ZMAT4: variants seen among roughly 807,000 people sequenced by gnomAD.
ZMAT4 encodes zinc finger matrin-type 4.
In ZMAT4, 17 loss-of-function variants were observed where a neutral mutation model predicts 28.7. That is an observed-to-expected ratio of 0.59 (90% CI 0.41 to 0.89). ZMAT4 has a LOEUF of 0.89. Among genes scored for constraint, ZMAT4 ranks in the 40% least tolerant of loss-of-function variants. The pLI, the probability that ZMAT4 is intolerant of heterozygous loss-of-function variation, is 0.00. For synonymous variants in ZMAT4, 117 were observed against 109.2 expected, an observed-to-expected ratio of 1.07 and a Z score of -0.44; for missense variants, 240 against 283.8, an observed-to-expected ratio of 0.85 and a Z score of 1.11.
intron 3 of ZMAT4, among the ~76,000 whole-genome samples, chr8:40,758,729 A>C (rs1812797983): frequency 6.6e-6 from 1 of 152,074 alleles, no homozygotes; most frequent in Admixed American, 6.5e-5. Context: ...AATAAATAGG[A>C]TTTTGACCCT....
intron 2 of ZMAT4, among the ~76,000 whole-genome samples, chr8:40,810,078 ACACACACATGCACAAACATG>A (rs1325766272): frequency 1.3e-5 from 2 of 152,114 alleles, no homozygotes; most frequent in African/African-American, 4.8e-5. Context: ...ATATATATAT[ACACACACATGCACAAACATG>A]CACACACATA....
chr8:40,688,884 T>C (rs1483395009), intron 4 of ZMAT4, among the ~76,000 whole-genome samples: 1 of 152,192 alleles, frequency 6.6e-6, no homozygotes, highest in Non-Finnish European at 1.5e-5. Context: ...AGTCTGGTTT[T>C]CCCCACCTCT....
chr8:40,532,042 G>T lies in ZMAT4; in HGVS notation c.*181C>A. ...TAACTTACCCCAAAATTAAAAAAAG[G>T]AAAAAGAAAAAAGAAACCTCATTCA... On this transcript the variant is annotated 3_prime_UTR_variant, in exon 7 of 7. Coordinates refer to ENST00000297737, the MANE Select transcript of ZMAT4 (RefSeq NM_024645.3). 2 of 468,310 alleles carry T rather than the reference G, an allele frequency of 4.3e-6. No homozygotes were observed. The highest frequency in any genetic ancestry group is 3.5e-6 in the Non-Finnish European group (1 of 285,192). 29.0% of individuals were successfully genotyped at this position (468,310 alleles called of 1,614,324 possible). A position where few individuals can be genotyped will look rare whatever the true frequency, so the allele number is the denominator to read the frequency against.
intron 5 of ZMAT4, among the ~76,000 whole-genome samples, chr8:40,582,719 C>A (rs763893706): frequency 6.6e-6 from 1 of 152,098 alleles, no homozygotes; most frequent in Non-Finnish European, 1.5e-5. Context: ...ATTATTTGAC[C>A]CTTCTGGACT....
At chr8:40,664,024 A>G (rs971479520) in intron 5 of ZMAT4, among the ~76,000 whole-genome samples, 3 of 152,236 alleles carry the variant, frequency 2.0e-5, no homozygotes, top group African/African-American at 7.2e-5. Flanking sequence ...ACTGTACCAC[A>G]GACAGTGGAG....
Position 40,762,835 on chromosome 8 carries a change from G to A in ZMAT4, c.192+4806C>T, listed in dbSNP as rs528374843. On this transcript the variant is annotated intron_variant, in intron 3 of 6. Transcript: ENST00000297737. ...ACACTTATAGCCACCAGAACTGCCAGAGAATAAATGCTCTTTGTTGAAGCC... is the reference window on the plus strand; with the variant it reads ...ACACTTATAGCCACCAGAACTGCCAAAGAATAAATGCTCTTTGTTGAAGCC... 1.3e-4 allele frequency among the ~76,000 whole-genome samples: 20 copies of A among 152,250 alleles called. No individual in the cohort carries two copies. In the South Asian group the frequency reaches 3.9e-3, roughly 30 times the overall value.
chr8:40,581,092 A>G (rs1804448905), intron 6 of ZMAT4, 73 bp downstream of exon 6: 2 of 1,211,806 alleles, frequency 1.7e-6, no homozygotes, highest in African/African-American at 1.5e-5. Context: ...AATAGATGAA[A>G]TGTTGAGCCT....
Position 40,718,276 on chromosome 8 carries a change from G to A in ZMAT4, c.193-20875C>T, listed in dbSNP as rs566015032. On this transcript the variant is annotated intron_variant, in intron 3 of 6. Transcript: ENST00000297737. Reference sequence around the variant, plus strand: ...CCAGTCTGCGTCAGCAGTGTCACCAGCCTGCCATGGAGGTTAGGCTAGCTC... The same window carrying A: ...CCAGTCTGCGTCAGCAGTGTCACCAACCTGCCATGGAGGTTAGGCTAGCTC... Among the ~76,000 whole-genome samples, 19 of 152,336 alleles carry A rather than the reference G, an allele frequency of 1.2e-4. No homozygotes were observed. The South Asian group carries it at 3.7e-3, about 30-fold the overall frequency.
chr8:40,657,904 A>G (rs1374187269), intron 5 of ZMAT4, among the ~76,000 whole-genome samples: 1 of 152,154 alleles, frequency 6.6e-6, no homozygotes, highest in Non-Finnish European at 1.5e-5. Context: ...TAAACATGCA[A>G]ATGTGTTTCT....
intron 6 of ZMAT4, among the ~76,000 whole-genome samples, chr8:40,537,352 A>G (rs1802879426): frequency 6.6e-6 from 1 of 152,226 alleles, no homozygotes; most frequent in Non-Finnish European, 1.5e-5. Context: ...GTTTTAACCC[A>G]TGGAATAAAG....
chr8:40,749,378 T>A (rs1300497948), intron 3 of ZMAT4, among the ~76,000 whole-genome samples: 2 of 152,160 alleles, frequency 1.3e-5, no homozygotes, highest in Admixed American at 6.5e-5. Flanking sequence ...CTAAACCTAA[T>A]AAAAATTAAG....
chr8:40,713,920 C>CAAAAAAAAAAA (rs1810732938), intron 3 of ZMAT4, among the ~76,000 whole-genome samples: 1 of 55,282 alleles, frequency 1.8e-5, no homozygotes, highest in Non-Finnish European at 3.9e-5. Context: ...AAAAACAAAA[C>CAAAAAAAAAAA]CAAAAAAAAA....
chr8:40,640,735 G>A (rs193149186), intron 5 of ZMAT4, among the ~76,000 whole-genome samples: 34 of 152,084 alleles, frequency 2.2e-4, no homozygotes, highest in Admixed American at 1.2e-3. Flanking sequence ...TCGAGGTGGT[G>A]GATCACCTGA....
At chr8:40,860,788 C>T (rs1295584790) in intron 1 of ZMAT4, among the ~76,000 whole-genome samples, 3 of 152,190 alleles carry the variant, frequency 2.0e-5, no homozygotes, top group Admixed American at 6.5e-5. Flanking sequence ...TCTGCCTGGT[C>T]GTCCTGGAGT....
At chr8:40,753,058 C>A (rs1399835840) in intron 3 of ZMAT4, among the ~76,000 whole-genome samples, 2 of 16,796 alleles carry the variant, frequency 1.2e-4, no homozygotes, top group African/African-American at 2.3e-4. Context: ...CCCCACCCCC[C>A]AACAGGCCCC....
chr8:40,558,267 A>C (rs1277861098), intron 6 of ZMAT4, among the ~76,000 whole-genome samples: 1 of 152,100 alleles, frequency 6.6e-6, no homozygotes, highest in Non-Finnish European at 1.5e-5. Flanking sequence ...CTGTCAGTGG[A>C]TTGCCAGCGG....
intron 6 of ZMAT4, among the ~76,000 whole-genome samples, chr8:40,553,075 T>A (rs916757970): frequency 2.6e-5 from 4 of 152,130 alleles, no homozygotes; most frequent in African/African-American, 9.7e-5. Context: ...GGAGATATGG[T>A]CATAAAATGA....
intron 6 of ZMAT4, among the ~76,000 whole-genome samples, chr8:40,541,905 C>A (rs1203996781): frequency 6.6e-6 from 1 of 152,166 alleles, no homozygotes; most frequent in Non-Finnish European, 1.5e-5. Context: ...AATCTAGAGT[C>A]CCACAGTGCC....
intron 2 of ZMAT4, among the ~76,000 whole-genome samples, chr8:40,803,887 T>A (rs528385167): frequency 6.6e-5 from 10 of 152,296 alleles, no homozygotes; most frequent in African/African-American, 2.4e-4. Context: ...TGGACTATTA[T>A]TCATCACTAA....
Sources: allele counts gnomAD v4.1 joint callset (sites outside exome capture counted in the v4.1 genomes callset), GRCh38; gene constraint gnomAD v4.1.1; transcripts MANE v1.5; gene names NCBI Gene and HGNC (gene_info 2026-07-23, HGNC 2026-07-21).